MYT1L: variants seen among roughly 807,000 people sequenced by gnomAD.
The protein encoded by MYT1L is myelin transcription factor 1 like.
A neutral mutation model predicts 126.7 loss-of-function variants in MYT1L; 12 were observed. That is an observed-to-expected ratio of 0.09 (90% CI 0.06 to 0.15). The LOEUF is 0.15. Among genes scored for constraint, MYT1L ranks in the 10% least tolerant of loss-of-function variants. The pLI, the probability that MYT1L is intolerant of heterozygous loss-of-function variation, is 1.00. For missense variants in MYT1L, 979 were observed against 1,585.2 expected (o/e 0.62, Z 6.49); for synonymous variants, 541 against 604.2 (o/e 0.90, Z 1.53).
chr2:1,872,055 A>G (rs907571866), intron 18 of MYT1L, among the ~76,000 whole-genome samples: 68 of 152,302 alleles, frequency 4.5e-4, no homozygotes, highest in African/African-American at 1.6e-3. Context: ...GTGCAGCCGC[A>G]TGAAGGTGGA....
intron 2 of MYT1L, among the ~76,000 whole-genome samples, chr2:2,248,365 T>G (rs556469962): frequency 6.6e-6 from 1 of 151,932 alleles, no homozygotes; most frequent in Non-Finnish European, 1.5e-5. Flanking sequence ...CCATAACAAG[T>G]AATGAGATAA....
At chr2:2,018,833 A>G (rs1459649631) in intron 4 of MYT1L, among the ~76,000 whole-genome samples, 1 of 152,050 alleles carries the variant, frequency 6.6e-6, no homozygotes, top group Non-Finnish European at 1.5e-5. Flanking sequence ...AACACCACCT[A>G]CATTTCGTTT....
At chr2:2,122,494 T>G (rs999629103) in intron 3 of MYT1L, among the ~76,000 whole-genome samples, 3 of 152,160 alleles carry the variant, frequency 2.0e-5, no homozygotes, top group African/African-American at 7.2e-5. Flanking sequence ...CCTTCCTCCC[T>G]GTAATGGCCG....
At position 2,088,041 on chromosome 2, in the gene MYT1L, G is replaced by T. The variant is rs143088773; in HGVS notation, c.-303-33918C>A. Among the ~76,000 whole-genome samples the T allele has an allele frequency of 2.3e-3, 349 of 152,318 alleles. 1 individual carries two copies. The highest frequency in any genetic ancestry group is 7.2e-3 in the African/African-American group (301 of 41,572). ...CTAACTTGCAGGATGGTTAGGAGGG[G>T]TCAACAAGAGGTCATGCAGCCAACA... is the stretch of plus-strand genomic sequence containing the variant. On this transcript the variant is annotated intron_variant, in intron 3 of 24. Coordinates refer to ENST00000647738, the MANE Select transcript of MYT1L (RefSeq NM_001303052.2).
At chr2:2,180,150 G>A (rs1332997099) in intron 2 of MYT1L, among the ~76,000 whole-genome samples, 1 of 152,118 alleles carries the variant, frequency 6.6e-6, no homozygotes, top group Non-Finnish European at 1.5e-5. Context: ...GGGGCCAGAG[G>A]AGAGAGAATC....
At chr2:2,055,723 C>A (rs1375563361) in intron 3 of MYT1L, among the ~76,000 whole-genome samples, 1 of 152,182 alleles carries the variant, frequency 6.6e-6, no homozygotes, top group Non-Finnish European at 1.5e-5. Context: ...CAAAGCCACT[C>A]TAATATATTG....
chr2:2,300,098 A>G lies in MYT1L; in HGVS notation c.-520-15595T>C, dbSNP rs2095760753. Among the ~76,000 whole-genome samples the G allele has an allele frequency of 2.0e-5, 3 of 152,216 alleles. No individual in the cohort carries two copies. The South Asian group carries it at 6.2e-4, about 32-fold the overall frequency. On this transcript the variant is annotated intron_variant, in intron 1 of 24. Coordinates refer to ENST00000647738, the MANE Select transcript of MYT1L (RefSeq NM_001303052.2). The stretch of plus-strand genomic sequence containing the variant: ...ACAAAACAAGATTCCATAAACACAT[A>G]AACTCAAAATTCTCCTGTGAAAATG...
At chr2:1,876,634 C>T (rs890732793) in intron 18 of MYT1L, among the ~76,000 whole-genome samples, 3 of 152,132 alleles carry the variant, frequency 2.0e-5, no homozygotes, top group African/African-American at 7.2e-5. Flanking sequence ...CTATGCGTGC[C>T]GCCATTGAAA....
chr2:2,137,270 T>G (rs2083202410), intron 3 of MYT1L, among the ~76,000 whole-genome samples: 2 of 152,168 alleles, frequency 1.3e-5, no homozygotes. Flanking sequence ...CTGCCCAAGG[T>G]AATTTATAGA....
intron 2 of MYT1L, among the ~76,000 whole-genome samples, chr2:2,212,084 C>T (rs1422595478): frequency 2.0e-5 from 3 of 152,138 alleles, no homozygotes; most frequent in Admixed American, 1.3e-4. Context: ...CATCTAGACA[C>T]ATGACTGATG....
rs757528567 is a variant in MYT1L, at chr2:1,922,133, G to A, written c.1483+153C>T. Among the ~76,000 whole-genome samples the A allele has an allele frequency of 1.3e-5, 2 of 152,106 alleles. No homozygotes were observed. The highest frequency in any genetic ancestry group is 2.9e-5 in the Non-Finnish European group (2 of 68,022). On this transcript the variant is annotated intron_variant, in intron 10 of 24. Transcript: ENST00000647738. This position sits in a 1 kb window ranked among gnomAD's most constrained non-coding sequence, Gnocchi z 7.4. ...AATATTTTATTTGCTTGTCAGAAAC[G>A]TAATCACAAAATATCCTTCTGGAAT...
Position 2,278,964 on chromosome 2 carries a change from C to T in MYT1L, c.-421+5440G>A, listed in dbSNP as rs192994104. Reference sequence around the variant, plus strand: ...CTTAACCACGCTTTCCCTTGCCCAGCTCTGGGAGGCACCTTCACTAGGGCT... The same window carrying T: ...CTTAACCACGCTTTCCCTTGCCCAGTTCTGGGAGGCACCTTCACTAGGGCT... On this transcript the variant is annotated intron_variant, in intron 2 of 24. Coordinates refer to ENST00000647738, the MANE Select transcript of MYT1L (RefSeq NM_001303052.2). 1.8e-4 allele frequency among the ~76,000 whole-genome samples: 27 copies of T among 152,286 alleles called. No homozygotes were observed. The East Asian group carries it at 5.0e-3, about 28-fold the overall frequency.
At chr2:2,089,386 G>A (rs1211730211) in intron 3 of MYT1L, among the ~76,000 whole-genome samples, 1 of 152,216 alleles carries the variant, frequency 6.6e-6, no homozygotes, top group Non-Finnish European at 1.5e-5. Context: ...CTGGGGTAGG[G>A]AATGGCTGGA....
At chr2:2,045,424 G>C (rs868423283) in intron 4 of MYT1L, among the ~76,000 whole-genome samples, 3 of 152,172 alleles carry the variant, frequency 2.0e-5, no homozygotes, top group South Asian at 2.1e-4. Context: ...AGCCATGCAG[G>C]GGCCAAAACT....
At chr2:2,037,557 A>T (rs532686117) in intron 4 of MYT1L, among the ~76,000 whole-genome samples, 4 of 151,740 alleles carry the variant, frequency 2.6e-5, no homozygotes, top group African/African-American at 9.7e-5. Context: ...GGAGTTTAAG[A>T]CCAGCCTGGC....
intron 2 of MYT1L, among the ~76,000 whole-genome samples, chr2:2,180,737 CCTGT>C (rs1397587513): frequency 7.1e-6 from 1 of 141,746 alleles, no homozygotes; most frequent in East Asian, 2.2e-4. Context: ...TGCATGTGTG[CCTGT>C]GTGTGTGCTT....
chr2:2,220,623 TC>T (rs911281247), intron 2 of MYT1L, among the ~76,000 whole-genome samples: 26 of 152,192 alleles, frequency 1.7e-4, no homozygotes, highest in African/African-American at 5.5e-4. Context: ...GGGCACATTT[TC>T]CCCCACAAAG....
At chr2:1,878,777 TAAA>T (rs1199918790) in intron 18 of MYT1L, among the ~76,000 whole-genome samples, 3 of 152,174 alleles carry the variant, frequency 2.0e-5, no homozygotes, top group Non-Finnish European at 4.4e-5. Context: ...AGCTTTTTCT[TAAA>T]AACATCAGGT....
At chr2:1,846,797 G>A (rs11127312) in intron 19 of MYT1L, among the ~76,000 whole-genome samples, 66,905 of 151,978 alleles carry the variant, frequency 0.44, 15,629 homozygotes, top group East Asian at 0.67. Context: ...TTTGCACCCT[G>A]TGTGAGGGCA....
Sources: allele counts gnomAD v4.1 joint callset (sites outside exome capture counted in the v4.1 genomes callset), GRCh38; gene constraint gnomAD v4.1.1; non-coding constraint Gnocchi (gnomAD v3.1); transcripts MANE v1.5; gene names NCBI Gene and HGNC (gene_info 2026-07-23, HGNC 2026-07-21).